CEP57L1: variants seen among roughly 807,000 people sequenced by gnomAD.
CEP57L1 encodes centrosomal protein 57 like 1.
CEP57L1 carries 37 observed loss-of-function variants against 61.0 expected under a neutral mutation model. That is an observed-to-expected ratio of 0.61 (90% confidence interval 0.47 to 0.80). The LOEUF is 0.80. Ranked by LOEUF, CEP57L1 falls within the 30% of genes least tolerant of loss-of-function variation. The pLI is 0.00. For synonymous variants in CEP57L1, 137 were observed against 162.3 expected, an observed-to-expected ratio of 0.84 and a Z score of 1.19; for missense variants, 422 against 524.7, an observed-to-expected ratio of 0.80 and a Z score of 1.91.
Position 109,168,951 on chromosome 6 carries a change from C to T in CEP57L1, c.*5981C>T, listed in dbSNP as rs1280343276. On this transcript the variant is annotated 3_prime_UTR_variant, in exon 11 of 11. Transcript: ENST00000517392. ...GAAAATATCAGAATGTGGCCAGGTG[C>T]GATGGCTCACGCCTGTAAAATCTTA... is the stretch of plus-strand genomic sequence containing the variant. 2.0e-5 allele frequency among the ~76,000 whole-genome samples: 3 copies of T among 147,364 alleles called. No individual in the cohort carries two copies. The highest frequency in any genetic ancestry group is 7.0e-5 in the Admixed American group (1 of 14,286).
At chr6:109,111,529 G>T (rs1771622123) in intron 1 of CEP57L1, among the ~76,000 whole-genome samples, 1 of 152,118 alleles carries the variant, frequency 6.6e-6, no homozygotes, top group Non-Finnish European at 1.5e-5. Flanking sequence ...TCTTTTGGCT[G>T]ATTGCCCTGG....
At position 109,167,654 on chromosome 6, in the gene CEP57L1, GCAA is replaced by G. The variant is rs1774193960; in HGVS notation, c.*4687_*4689del. 6.6e-6 allele frequency among the ~76,000 whole-genome samples: 1 copy of G among 150,668 alleles called. No individual in the cohort carries two copies. The highest frequency in any genetic ancestry group is 1.9e-4 in the East Asian group (1 of 5,174). On this transcript the variant is annotated 3_prime_UTR_variant, in exon 11 of 11. Coordinates refer to ENST00000517392, the MANE Select transcript of CEP57L1 (RefSeq NM_001271852.3). ...ATTGTGCCACTGCACTCCAGCCTGG[GCAA>G]CAGAGCAAGACTCTGCCTCAAAGCA...
upstream of CEP57L1, chr6:109,095,165 G>A (rs1385642980): frequency 5.1e-6 from 5 of 985,436 alleles, no homozygotes; most frequent in Non-Finnish European, 6.0e-6. Context: ...ACTGGGCCAA[G>A]CGCCCCCGGA....
intron 1 of CEP57L1, among the ~76,000 whole-genome samples, chr6:109,143,995 A>G (rs1771696706): frequency 6.6e-6 from 1 of 152,098 alleles, no homozygotes; most frequent in Non-Finnish European, 1.5e-5. Context: ...TTGAGGGAAC[A>G]ACAACTTAGA....
chr6:109,154,804 T>C (rs1029413964), intron 5 of CEP57L1, among the ~76,000 whole-genome samples: 30 of 152,092 alleles, frequency 2.0e-4, no homozygotes, highest in Non-Finnish European at 3.8e-4. Flanking sequence ...CTATTATGTC[T>C]TTTCACTCTT....
rs770209360 is a variant in CEP57L1, at chr6:109,146,770, C to T, written c.173C>T (p.Ala58Val). ...TTTTTTTCAACAGCTCTTATTTTAG[C>T]CTTAAAAACTCTTCAGGAAAAAATT... is the stretch of plus-strand genomic sequence containing the variant. ...HSPNSQALIL[A>V]LKTLQEKIHR... Residue 58 changes from alanine (A) to valine (V), a missense_variant, in exon 3 of 11, where the codon GCC becomes GTC. Coordinates refer to ENST00000517392, the MANE Select transcript of CEP57L1 (RefSeq NM_001271852.3). The T allele has an allele frequency of 6.4e-7, 1 of 1,566,762 alleles. No individual in the cohort carries two copies. Among genetic ancestry groups the T allele is most frequent in the Non-Finnish European group, 8.6e-7 (1 of 1,163,056 alleles).
intron 1 of CEP57L1, among the ~76,000 whole-genome samples, chr6:109,127,115 G>A (rs374700958): frequency 1.3e-5 from 2 of 152,124 alleles, no homozygotes; most frequent in Admixed American, 6.5e-5. Flanking sequence ...GCAGTGAGCC[G>A]AGATCGCGCC....
Position 109,168,231 on chromosome 6 carries a change from G to A in CEP57L1, c.*5261G>A, listed in dbSNP as rs1301764126. ...TTAGGCTTCTTGATTGAAGATACCAGTTCCTTTAGTAATTTCAAAATGCCG... is the reference window on the plus strand; with the variant it reads ...TTAGGCTTCTTGATTGAAGATACCAATTCCTTTAGTAATTTCAAAATGCCG... On this transcript the variant is annotated 3_prime_UTR_variant, in exon 11 of 11. Coordinates refer to ENST00000517392, the MANE Select transcript of CEP57L1 (RefSeq NM_001271852.3). Among the ~76,000 whole-genome samples the A allele has an allele frequency of 6.6e-6, 1 of 152,170 alleles. No individual in the cohort carries two copies. The highest frequency in any genetic ancestry group is 1.5e-5 in the Non-Finnish European group (1 of 68,036).
At position 109,172,429 on chromosome 6, in the gene CEP57L1, A is replaced by G. The variant is rs1052754644; in HGVS notation, c.*9459A>G. Among the ~76,000 whole-genome samples the G allele has an allele frequency of 1.3e-5, 2 of 152,210 alleles. No individual in the cohort carries two copies. The highest frequency in any genetic ancestry group is 2.9e-5 in the Non-Finnish European group (2 of 68,014). On this transcript the variant is annotated 3_prime_UTR_variant, in exon 11 of 11. Coordinates refer to ENST00000517392, the MANE Select transcript of CEP57L1 (RefSeq NM_001271852.3). ...ACATTGTTAGCTTAGACTACCTGGT[A>G]TGGCCTAAGGCCCCCAAGTAAATTA... is the stretch of plus-strand genomic sequence containing the variant.
At chr6:109,125,492 C>CTATATATATATATATATA (rs3081793) in intron 1 of CEP57L1, among the ~76,000 whole-genome samples, 70 of 142,984 alleles carry the variant, frequency 4.9e-4, no homozygotes, top group African/African-American at 1.8e-3. Context: ...TTTTTAAATG[C>CTATATATATATATATATA]TATATATATA....
At chr6:109,144,484 C>T (rs1361530945) in intron 1 of CEP57L1, among the ~76,000 whole-genome samples, 1 of 151,990 alleles carries the variant, frequency 6.6e-6, no homozygotes, top group African/African-American at 2.4e-5. Context: ...AAATAGAATA[C>T]ATTTCTAAAA....
At chr6:109,101,616 C>CT (rs199499971) in intron 1 of CEP57L1, among the ~76,000 whole-genome samples, 1,550 of 126,320 alleles carry the variant, frequency 0.012, 51 homozygotes, top group African/African-American at 0.039. Context: ...TTTTCTTTTT[C>CT]TTTTTTCTTT....
Position 109,162,075 on chromosome 6 carries a change from T to A in CEP57L1, c.1162-674T>A, listed in dbSNP as rs532987555. On this transcript the variant is annotated intron_variant, in intron 10 of 10. Transcript: ENST00000517392. ...ATACTACTCAAGGTGATAAAGTTATTCCCTTGACTTTTTTTTAAACAGCCA... is the reference window on the plus strand; with the variant it reads ...ATACTACTCAAGGTGATAAAGTTATACCCTTGACTTTTTTTTAAACAGCCA... Among the ~76,000 whole-genome samples, 444 of 152,138 alleles carry A rather than the reference T, an allele frequency of 2.9e-3. 1 individual carries two copies. Among genetic ancestry groups the A allele is most frequent in the African/African-American group, 0.01 (427 of 41,536 alleles).
intron 1 of CEP57L1, among the ~76,000 whole-genome samples, chr6:109,102,800 A>G (rs1240405250): frequency 2.0e-5 from 3 of 152,214 alleles, no homozygotes; most frequent in African/African-American, 7.2e-5. Flanking sequence ...CTGTACAACT[A>G]TATTGGTGCC....
chr6:109,132,457 T>A (rs1054197193), intron 1 of CEP57L1, among the ~76,000 whole-genome samples: 8 of 152,232 alleles, frequency 5.3e-5, no homozygotes, highest in African/African-American at 9.6e-5. Context: ...AGGTTTTTCA[T>A]TGTCTTTGTT....
At chr6:109,099,126 A>T (rs1454298033) in intron 1 of CEP57L1, among the ~76,000 whole-genome samples, 2 of 152,210 alleles carry the variant, frequency 1.3e-5, no homozygotes, top group African/African-American at 4.8e-5. Context: ...TCACATTGAG[A>T]TGTGGAGGTG....
Position 109,163,983 on chromosome 6 carries a change from A to G in CEP57L1, c.*1013A>G, listed in dbSNP as rs999931493. On this transcript the variant is annotated 3_prime_UTR_variant, in exon 11 of 11. Coordinates refer to ENST00000517392, the MANE Select transcript of CEP57L1 (RefSeq NM_001271852.3). ...TCAAATCCTCTGAGGCAACTGGGGA[A>G]CTAGAGTCATGAACTGAATTAGAAA... 1.3e-5 allele frequency: 2 copies of G among 152,320 alleles called. 1 individual carries two copies. Among genetic ancestry groups the G allele is most frequent in the Middle Eastern group, 6.8e-3 (2 of 294 alleles). 9.4% of individuals were successfully genotyped at this position (152,320 alleles called of 1,614,324 possible).
chr6:109,105,569 A>G (rs1208120250), intron 1 of CEP57L1, among the ~76,000 whole-genome samples: 1 of 152,178 alleles, frequency 6.6e-6, no homozygotes, highest in East Asian at 1.9e-4. Context: ...TATTTTAATG[A>G]CTGAAGTACC....
rs1341164429 is a variant in CEP57L1, at chr6:109,164,163, A to G, written c.*1193A>G. 6.6e-6 allele frequency among the ~76,000 whole-genome samples: 1 copy of G among 152,194 alleles called. No homozygotes were observed. Among genetic ancestry groups the G allele is most frequent in the South Asian group, 2.1e-4 (1 of 4,832 alleles). Reference sequence around the variant, plus strand: ...ATGGAATGTTCAAGCTATAGATGTGAAAGAATTTTTAGGTCAGGATCTTGG... The same window carrying G: ...ATGGAATGTTCAAGCTATAGATGTGGAAGAATTTTTAGGTCAGGATCTTGG... On this transcript the variant is annotated 3_prime_UTR_variant, in exon 11 of 11. Coordinates refer to ENST00000517392, the MANE Select transcript of CEP57L1 (RefSeq NM_001271852.3).
Sources: gnomAD v4.1 joint callset for allele counts (sites outside exome capture counted in the v4.1 genomes callset) on GRCh38, gnomAD v4.1.1 for gene constraint, MANE v1.5 for transcripts, NCBI Gene and HGNC (gene_info 2026-07-23, HGNC 2026-07-21) for gene names.